ACOX1: variants seen among roughly 807,000 people sequenced by gnomAD.
ACOX1 encodes peroxisomal acyl-coenzyme A oxidase 1.
ACOX1 carries 41 observed loss-of-function variants against 75.5 expected under a neutral mutation model. The ratio of observed to expected loss-of-function variants is 0.54; its 90% CI spans 0.42 to 0.70. The LOEUF is 0.70. Ranked by LOEUF, ACOX1 falls within the 30% of genes least tolerant of loss-of-function variation. ACOX1 has a pLI of 0.00. For synonymous variants in ACOX1, 303 were observed against 298.8 expected (o/e 1.01, Z -0.15); for missense variants, 630 against 837.5 (o/e 0.75, Z 3.06).
intron 2 of ACOX1, among the ~76,000 whole-genome samples, chr17:75,967,448 G>A (rs1183580727): frequency 1.3e-5 from 2 of 150,144 alleles, no homozygotes; most frequent in East Asian, 3.9e-4. Context: ...CCAGCCTGGT[G>A]ACAGAGGAAG....
Position 75,960,290 on chromosome 17 carries a change from G to A in ACOX1, c.355C>T (p.Gln119Ter). 1 of 1,614,212 alleles carries A rather than the reference G, an allele frequency of 6.2e-7. No homozygotes were observed. Among genetic ancestry groups the A allele is most frequent in the Non-Finnish European group, 8.5e-7 (1 of 1,180,044 alleles). The part of the protein sequence containing the change: ...PTLLHQATAE[Q>*]QERFFMPAWN... ...GCGGGCATGAAGAAGCGCTCCTGCT[G>A]CTCCGCAGTTGCCTGGTGAAGCAAG... Residue 119 changes from glutamine to a stop codon, truncating the protein, a stop_gained, in exon 3 of 14, where the codon CAG becomes TAG. Transcript: ENST00000293217. LOFTEE classifies it high-confidence loss of function. This position sits in a 1 kb window ranked among gnomAD's most constrained non-coding sequence, Gnocchi z 4.4.
intron 2 of ACOX1, among the ~76,000 whole-genome samples, chr17:75,963,829 C>G (rs974700615): frequency 6.6e-6 from 1 of 151,384 alleles, no homozygotes; most frequent in African/African-American, 2.4e-5. Flanking sequence ...GTGACGGGTT[C>G]ACAGGGTTTC....
At position 75,942,282 on chromosome 17, in the gene ACOX1, A is replaced by T. The variant is rs959326454; in HGVS notation, c.*4466T>A. The stretch of plus-strand genomic sequence containing the variant: ...CTGTCTCTACTAAAAATACAAAAAA[A>T]CTAGACAGGCATGGTGGCAGGCGCT... On this transcript the variant is annotated 3_prime_UTR_variant, in exon 14 of 14. Coordinates refer to ENST00000293217, the MANE Select transcript of ACOX1 (RefSeq NM_004035.7). 6.6e-6 allele frequency: 1 copy of T among 151,722 alleles called. No individual in the cohort carries two copies. Among genetic ancestry groups the T allele is most frequent in the Non-Finnish European group, 1.5e-5 (1 of 67,946 alleles). 9.4% of individuals were successfully genotyped at this position (151,722 alleles called of 1,614,324 possible). A position where few individuals can be genotyped will look rare whatever the true frequency, so the allele number is the denominator to read the frequency against.
At chr17:75,955,453 G>T in intron 6 of ACOX1, 113 bp downstream of exon 6, 1 of 884,740 alleles carries the variant, frequency 1.1e-6, no homozygotes, top group Non-Finnish European at 1.8e-6. Flanking sequence ...ATATGCCAGT[G>T]TGCCCTGCTG....
At chr17:75,963,383 T>G (rs539613950) in intron 2 of ACOX1, among the ~76,000 whole-genome samples, 235 of 152,004 alleles carry the variant, frequency 1.5e-3, no homozygotes, top group Admixed American at 2.5e-3. Context: ...GGGAAATTAC[T>G]GCACAAGCAT....
At chr17:75,948,866 T>C (rs565139164) in intron 12 of ACOX1, among the ~76,000 whole-genome samples, 2 of 150,490 alleles carry the variant, frequency 1.3e-5, no homozygotes, top group East Asian at 3.9e-4. Flanking sequence ...CTTTTTCTTT[T>C]TTTTTTTTTT....
At chr17:75,966,182 G>C (rs1285085796) in intron 2 of ACOX1, among the ~76,000 whole-genome samples, 1 of 151,548 alleles carries the variant, frequency 6.6e-6, no homozygotes, top group Non-Finnish European at 1.5e-5. Flanking sequence ...ATAAAGGCCA[G>C]GTGCGGTGGC....
chr17:75,960,364 C>G lies in ACOX1; in HGVS notation c.281G>C (p.Arg94Pro). 1 of 1,613,816 alleles carries G rather than the reference C, an allele frequency of 6.2e-7. No individual in the cohort carries two copies. Among genetic ancestry groups the G allele is most frequent in the Non-Finnish European group, 8.5e-7 (1 of 1,180,018 alleles). The change falls in exon 3 of 14, where the codon CGA (arginine) becomes CCA (proline). Residue 94 changes from arginine to proline, a missense_variant. By Grantham distance (103) the Arg-to-Pro change is moderately radical. This residue lies in a region of ACOX1 where 390 missense variants were observed against 574.9 expected (regional missense o/e 0.68). Coordinates refer to ENST00000293217, the MANE Select transcript of ACOX1 (RefSeq NM_004035.7). The surrounding 1 kb of genome is among the most constrained non-coding windows in gnomAD (Gnocchi z 4.4). ...EIMWFKNFVH[R>P]GRPEPLDLHL... ...AAGATCCAGAGGCTCAGGCCGCCCT[C>G]GGTGCACAAAACTTCGAGGAAATAT...
At chr17:75,973,514 C>T in intron 2 of ACOX1, 2 of 1,202,784 alleles carry the variant, frequency 1.7e-6, no homozygotes, top group Non-Finnish European at 2.4e-6. Context: ...GACTTAACAA[C>T]TTAAAAATAG....
In ACOX1 at chr17:75,946,524, C is replaced by T. The variant is rs373792014; in HGVS notation, c.*224G>A. 18 of 526,502 alleles carry T rather than the reference C, an allele frequency of 3.4e-5. No individual in the cohort carries two copies. The highest frequency in any genetic ancestry group is 2.4e-4 in the East Asian group (7 of 28,962). The allele number at this position is 526,502 out of a possible 1,614,324, so 32.6% of individuals were successfully genotyped here. A position where few individuals can be genotyped will look rare whatever the true frequency, so the allele number is the denominator to read the frequency against. ...AGGAAGTCATATCGCATTTCTTAAG[C>T]TTTTTCTGAATGGTTTAACAGGTCT... On this transcript the variant is annotated 3_prime_UTR_variant, in exon 14 of 14. Transcript: ENST00000293217.
chr17:75,956,753 G>A (rs1452731857), intron 4 of ACOX1, among the ~76,000 whole-genome samples: 3 of 149,730 alleles, frequency 2.0e-5, no homozygotes, highest in African/African-American at 7.4e-5. Flanking sequence ...TAAGAGACAG[G>A]GTTTCACTCT....
At chr17:75,948,128 G>C in intron 13 of ACOX1, 123 bp downstream of exon 13, 1 of 938,172 alleles carries the variant, frequency 1.1e-6, no homozygotes, top group Non-Finnish European at 1.7e-6. Flanking sequence ...CAAATAAAGT[G>C]ACTGTCAGAA....
rs1393570108 is a variant in ACOX1 at position 75,942,071 on chromosome 17, T to C, written c.*4677A>G. The C allele has an allele frequency of 2.0e-5, 3 of 152,242 alleles. No individual in the cohort carries two copies. The highest frequency in any genetic ancestry group is 7.2e-5 in the African/African-American group (3 of 41,468). The allele number at this position is 152,242 out of a possible 1,614,324, so 9.4% of individuals were successfully genotyped here. On this transcript the variant is annotated 3_prime_UTR_variant, in exon 14 of 14. Coordinates refer to ENST00000293217, the MANE Select transcript of ACOX1 (RefSeq NM_004035.7). ...CTGGTAACTCTAATAATGTTCCTTA[T>C]ATGTTTCTGTGTTTACTATCATGAA...
At chr17:75,969,732 G>C (rs748404148) in intron 2 of ACOX1, among the ~76,000 whole-genome samples, 5 of 152,132 alleles carry the variant, frequency 3.3e-5, no homozygotes, top group African/African-American at 7.2e-5. Flanking sequence ...CAATTTGCCA[G>C]GATACTGCAT....
At chr17:75,973,751 G>T (rs1461160772) in intron 2 of ACOX1, 74 of 1,613,966 alleles carry the variant, frequency 4.6e-5, no homozygotes, top group Non-Finnish European at 5.8e-5. Flanking sequence ...GAGTAATTGA[G>T]GCCCACAGGT....
chr17:75,970,977 C>T (rs1240993811), intron 2 of ACOX1, among the ~76,000 whole-genome samples: 1 of 152,160 alleles, frequency 6.6e-6, no homozygotes, highest in Non-Finnish European at 1.5e-5. Flanking sequence ...ATTAAGACAA[C>T]GTTGGTTTAA....
At chr17:75,967,004 C>T (rs1267313829) in intron 2 of ACOX1, among the ~76,000 whole-genome samples, 5 of 151,208 alleles carry the variant, frequency 3.3e-5, no homozygotes, top group African/African-American at 9.7e-5. Context: ...TTAGAAATCT[C>T]GGAAGCTGCG....
At chr17:75,967,066 A>G (rs2065939006) in intron 2 of ACOX1, among the ~76,000 whole-genome samples, 1 of 151,260 alleles carries the variant, frequency 6.6e-6, no homozygotes, top group South Asian at 2.1e-4. Context: ...TCTCAAAAAA[A>G]AGAAAAAAGA....
chr17:75,975,319 C>T (rs554258784), intron 2 of ACOX1, among the ~76,000 whole-genome samples: 4 of 151,850 alleles, frequency 2.6e-5, no homozygotes, highest in South Asian at 4.1e-4. Context: ...CCACCAAGCC[C>T]GGTTAATTTT....
Sources: gnomAD v4.1 joint callset for allele counts (sites outside exome capture counted in the v4.1 genomes callset) on GRCh38, gnomAD v4.1.1 for gene constraint, gnomAD v4.1.1 regional missense constraint, Gnocchi (gnomAD v3.1) non-coding constraint, MANE v1.5 for transcripts, NCBI Gene and HGNC (gene_info 2026-07-23, HGNC 2026-07-21) for gene names.